CPNE8: variants seen among roughly 807,000 people sequenced by gnomAD.
The protein encoded by CPNE8 is copine-8.
CPNE8 carries 45 observed loss-of-function variants against 81.5 expected under a neutral mutation model. That is an observed-to-expected ratio of 0.55 (90% CI 0.44 to 0.71). The LOEUF is 0.71. CPNE8 is among the 30% of genes least tolerant of loss of function. The probability of loss-of-function intolerance (pLI) is 0.00; values close to 1 mark genes in which losing one functional copy is unlikely to be tolerated. For synonymous variants in CPNE8, 252 were observed against 226.3 expected (o/e 1.11, Z -1.02); for missense variants, 594 against 672.1 (o/e 0.88, Z 1.28).
chr12:38,677,598 T>C (rs763375532), intron 16 of CPNE8, 44 bp from the exon 17 acceptor site: 15 of 1,060,186 alleles, frequency 1.4e-5, no homozygotes, highest in African/African-American at 1.2e-4. Flanking sequence ...CAGTTTTCTA[T>C]ATGTGATGGT....
At chr12:38,780,203 T>TA (rs1942021082) in intron 6 of CPNE8, among the ~76,000 whole-genome samples, 1 of 152,060 alleles carries the variant, frequency 6.6e-6, no homozygotes. Flanking sequence ...GGTTCCCTTG[T>TA]AAAAAATCAG....
At chr12:38,654,909 C>A (rs1316354447) in intron 19 of CPNE8, among the ~76,000 whole-genome samples, 1 of 152,042 alleles carries the variant, frequency 6.6e-6, no homozygotes, top group East Asian at 1.9e-4. Flanking sequence ...TTAATTCTTT[C>A]TAAGACAAAA....
Position 38,848,670 on chromosome 12 carries a change from AAGAG to A in CPNE8, c.187-12_187-9del, listed in dbSNP as rs748175765. On this transcript the variant is annotated splice_polypyrimidine_tract_variant and intron_variant, in intron 3 of 19. Transcript: ENST00000331366. ...TACTTCAGTTCTTCCAAACTGTGGAAAGAGAGAGAGAATTTAAAATTAAACCTTG... is the reference window on the plus strand; with the variant it reads ...TACTTCAGTTCTTCCAAACTGTGGAAAGAGAGAATTTAAAATTAAACCTTG... The A allele has an allele frequency of 1.2e-4, 182 of 1,579,858 alleles. No individual in the cohort carries two copies. Among genetic ancestry groups the A allele is most frequent in the Middle Eastern group, 4.0e-4 (2 of 5,030 alleles).
intron 6 of CPNE8, among the ~76,000 whole-genome samples, chr12:38,818,277 C>T (rs1473474976): frequency 6.6e-6 from 1 of 152,060 alleles, no homozygotes; most frequent in African/African-American, 2.4e-5. Flanking sequence ...TAATGCTCTC[C>T]CTCCCCTGGT....
intron 1 of CPNE8, among the ~76,000 whole-genome samples, chr12:38,891,485 T>C (rs1345326784): frequency 1.3e-5 from 2 of 152,038 alleles, no homozygotes. Context: ...TTCACTTTTG[T>C]TGCCCAGGCT....
intron 18 of CPNE8, among the ~76,000 whole-genome samples, chr12:38,671,356 C>T (rs1169709728): frequency 6.6e-6 from 1 of 151,994 alleles, no homozygotes; most frequent in African/African-American, 2.4e-5. Context: ...ATTTTCTCTG[C>T]TCTTATACTG....
intron 13 of CPNE8, among the ~76,000 whole-genome samples, chr12:38,712,637 T>C (rs1565579108): frequency 6.6e-6 from 1 of 152,238 alleles, no homozygotes; most frequent in Non-Finnish European, 1.5e-5. Context: ...GATATTGATC[T>C]AGCCTCCAAA....
chr12:38,897,743 A>G (rs1313574282), intron 1 of CPNE8, among the ~76,000 whole-genome samples: 1 of 151,964 alleles, frequency 6.6e-6, no homozygotes, highest in Non-Finnish European at 1.5e-5. Context: ...AAATGAACTC[A>G]TTTGCTCATA....
At chr12:38,773,152 T>C (rs187834951) in intron 7 of CPNE8, among the ~76,000 whole-genome samples, 50 of 151,960 alleles carry the variant, frequency 3.3e-4, no homozygotes, top group African/African-American at 1.2e-3. Flanking sequence ...TTTCCCGGGA[T>C]TGAGGGGAAG....
chr12:38,791,261 A>G lies in CPNE8; in HGVS notation c.408-14960T>C, dbSNP rs540495206. 2.6e-5 allele frequency among the ~76,000 whole-genome samples: 4 copies of G among 151,686 alleles called. No individual in the cohort carries two copies. The South Asian group carries it at 8.3e-4, about 31-fold the overall frequency. On this transcript the variant is annotated intron_variant, in intron 6 of 19. Coordinates refer to ENST00000331366, the MANE Select transcript of CPNE8 (RefSeq NM_153634.3). ...AGACTTTACCTAGAATATTTACCCT[A>G]CCACCTACTCAATGACCTTTTCTCA...
rs1432410152 is a variant in CPNE8, at chr12:38,693,681, T to C, written c.1119A>G (p.Gly373=). The change falls in exon 15 of 20, where the codon GGA becomes GGG. Residue 373 remains glycine, a synonymous_variant. Coordinates refer to ENST00000331366, the MANE Select transcript of CPNE8 (RefSeq NM_153634.3). Reference sequence around the variant, plus strand: ...CCAAAGCAAATTCGTGAGATATCCTTCCATCTGGAGGCAGTTTTGCACCAA... The same window carrying C: ...CCAAAGCAAATTCGTGAGATATCCTCCCATCTGGAGGCAGTTTTGCACCAA... The part of the protein sequence containing the change: ...LGFGAKLPPD[G]RISHEFALNG... The C allele has an allele frequency of 6.2e-7, 1 of 1,610,748 alleles. No individual in the cohort carries two copies. Among genetic ancestry groups the C allele is most frequent in the South Asian group, 1.1e-5 (1 of 90,068 alleles).
chr12:38,797,131 C>G (rs911249011), intron 6 of CPNE8, among the ~76,000 whole-genome samples: 2 of 152,166 alleles, frequency 1.3e-5, no homozygotes, highest in African/African-American at 4.8e-5. Context: ...CACAGACAAA[C>G]AAAAAGACAG....
chr12:38,765,689 A>T lies in CPNE8; in HGVS notation c.575+1946T>A, dbSNP rs1276850980. On this transcript the variant is annotated intron_variant, in intron 8 of 19. Coordinates refer to ENST00000331366, the MANE Select transcript of CPNE8 (RefSeq NM_153634.3). ...CTATGTGTGCGTACACATACATAAA[A>T]TATCTGGATCGAGCTGGCAAACTAG... 1.2e-4 allele frequency among the ~76,000 whole-genome samples: 19 copies of T among 152,318 alleles called. No homozygotes were observed. The East Asian group carries it at 3.5e-3, about 28-fold the overall frequency.
At chr12:38,713,436 T>C (rs2136715532) in intron 13 of CPNE8, among the ~76,000 whole-genome samples, 1 of 152,304 alleles carries the variant, frequency 6.6e-6, no homozygotes, top group Middle Eastern at 3.4e-3. Flanking sequence ...AAGCATGTTT[T>C]CTTATTCCAG....
intron 19 of CPNE8, among the ~76,000 whole-genome samples, chr12:38,667,456 G>A (rs898128362): frequency 5.3e-5 from 8 of 152,170 alleles, no homozygotes; most frequent in Non-Finnish European, 8.8e-5. Context: ...GAGAGGAGGT[G>A]CCAATTCTTT....
At chr12:38,863,102 C>T (rs1208584970) in intron 3 of CPNE8, among the ~76,000 whole-genome samples, 1 of 151,676 alleles carries the variant, frequency 6.6e-6, no homozygotes, top group Non-Finnish European at 1.5e-5. Flanking sequence ...CAAGAAGAAC[C>T]AAAAAAAGAA....
chr12:38,765,723 G>A (rs965341217), intron 8 of CPNE8, among the ~76,000 whole-genome samples: 9 of 152,246 alleles, frequency 5.9e-5, no homozygotes, highest in Middle Eastern at 6.8e-3. Flanking sequence ...AGGTTTCTGT[G>A]TGTAAATATA....
chr12:38,829,773 G>C (rs1400321166), intron 5 of CPNE8, among the ~76,000 whole-genome samples: 1 of 152,152 alleles, frequency 6.6e-6, no homozygotes, highest in Non-Finnish European at 1.5e-5. Context: ...CTTAACTTCG[G>C]ATGCCTCTGA....
At chr12:38,822,075 T>A (rs186032602) in intron 6 of CPNE8, among the ~76,000 whole-genome samples, 1 of 152,330 alleles carries the variant, frequency 6.6e-6, no homozygotes, top group East Asian at 1.9e-4. Context: ...GGTTTTATTT[T>A]TAATGTGTTG....
Sources: gnomAD v4.1 joint callset for allele counts (sites outside exome capture counted in the v4.1 genomes callset) on GRCh38, gnomAD v4.1.1 for gene constraint, MANE v1.5 for transcripts, NCBI Gene and HGNC (gene_info 2026-07-23, HGNC 2026-07-21) for gene names.